Variants in ZNF32 observed in about 807,000 individuals in gnomAD.
ZNF32 encodes zinc finger protein 32.
A neutral mutation model predicts 24.4 loss-of-function variants in ZNF32; 13 were observed. The ratio of observed to expected loss-of-function variants is 0.53; its 90% CI spans 0.35 to 0.85. The LOEUF is 0.85. Ranked by LOEUF, ZNF32 falls within the 40% of genes least tolerant of loss-of-function variation. The pLI is 0.01. For missense variants in ZNF32, 239 were observed against 325.3 expected, an observed-to-expected ratio of 0.73 and a Z score of 2.04; for synonymous variants, 115 against 117.4, an observed-to-expected ratio of 0.98 and a Z score of 0.13.
rs1839213924 is a variant in ZNF32 at position 43,644,549 on chromosome 10, G to C, written c.323C>G (p.Thr108Ser). The change falls in exon 3 of 3, where the codon ACC (threonine) becomes AGC (serine). Residue 108 changes from threonine to serine, a missense_variant. By Grantham distance (58) the Thr-to-Ser change is moderately conservative (BLOSUM62 1). Transcript: ENST00000374433. The surrounding 1 kb of genome is among the most constrained non-coding windows in gnomAD (Gnocchi z 5.3). Reference sequence around the variant, plus strand: ...GGCCCTGAAGCTTTTTCCACAGTGGGTGCACTCAAAAGGCTTTTGACCAGT... The same window carrying C: ...GGCCCTGAAGCTTTTTCCACAGTGGCTGCACTCAAAAGGCTTTTGACCAGT... The part of the protein sequence containing the change: ...IHTGQKPFEC[T>S]HCGKSFRAKG... The C allele has an allele frequency of 6.2e-7, 1 of 1,614,070 alleles. No individual in the cohort carries two copies. The highest frequency in any genetic ancestry group is 8.5e-7 in the Non-Finnish European group (1 of 1,179,990).
At chr10:43,647,209 G>A (rs984768401) in intron 1 of ZNF32, 4 of 152,054 alleles carry the variant, frequency 2.6e-5, no homozygotes, top group Admixed American at 6.6e-5. Context: ...TAGGACTACA[G>A]GTAAGCACCA....
In ZNF32 at chr10:43,644,032, T is replaced by G; in HGVS notation, c.*18A>C. The G allele has an allele frequency of 1.3e-6, 2 of 1,591,412 alleles. No individual in the cohort carries two copies. The highest frequency in any genetic ancestry group is 3.4e-4 in the Middle Eastern group (2 of 5,858). ...TGTACTCTTAATTCATAAAGAGAAC[T>G]TCTCTTCAGGAAAGTGGTCAAAGGG... On this transcript the variant is annotated 3_prime_UTR_variant, in exon 3 of 3. Coordinates refer to ENST00000374433, the MANE Select transcript of ZNF32 (RefSeq NM_006973.3). The surrounding 1 kb of genome is among the most constrained non-coding windows in gnomAD (Gnocchi z 5.3).
chr10:43,648,109 C>G (rs867168364), intron 1 of ZNF32: 21 of 152,250 alleles, frequency 1.4e-4, no homozygotes, highest in African/African-American at 5.1e-4. Context: ...TGATCTTGGG[C>G]GAGTAACCCA....
chr10:43,645,903 C>T, intron 2 of ZNF32, 161 bp downstream of exon 2: 1 of 1,398,908 alleles, frequency 7.1e-7, no homozygotes, highest in Non-Finnish European at 9.3e-7. Context: ...TCTACTATTA[C>T]TTCTAACTCC....
Position 43,644,751 on chromosome 10 carries a change from A to G in ZNF32, c.121T>C (p.Ser41Pro), listed in dbSNP as rs1427906834. The change falls in exon 3 of 3, where the codon TCC becomes CCC. Residue 41 changes from serine (S) to proline (P), a missense_variant. By Grantham distance (74) the Ser-to-Pro change is moderately conservative. Coordinates refer to ENST00000374433, the MANE Select transcript of ZNF32 (RefSeq NM_006973.3). The surrounding 1 kb of genome is among the most constrained non-coding windows in gnomAD (Gnocchi z 5.3). ...GAATTTTGGATATCCCAGCTTGAGG[A>G]TCCTGTAGCCTCAGAGTGGTCATAT... is the stretch of plus-strand genomic sequence containing the variant. ...HKYDHSEATGSSSWDIQNSFR... is the reference protein window; with the variant it reads ...HKYDHSEATGPSSWDIQNSFR... 2 of 1,613,458 alleles carry G rather than the reference A, an allele frequency of 1.2e-6. No individual in the cohort carries two copies. The highest frequency in any genetic ancestry group is 1.1e-5 in the South Asian group (1 of 90,958).
At chr10:43,648,141 C>CA (rs1389650042) in intron 1 of ZNF32, 1 of 152,168 alleles carries the variant, frequency 6.6e-6, no homozygotes, top group Non-Finnish European at 1.5e-5. Flanking sequence ...TCTGCTTCCC[C>CA]ACTTATTAAA....
At chr10:43,648,681 C>T (rs1195683335) in intron 1 of ZNF32, 121 bp downstream of exon 1, 12 of 152,248 alleles carry the variant, frequency 7.9e-5, no homozygotes. Flanking sequence ...GCCGGCCAGG[C>T]CTGCTCATTT....
At chr10:43,646,906 C>A (rs997602262) in intron 1 of ZNF32, among the ~76,000 whole-genome samples, 2 of 152,160 alleles carry the variant, frequency 1.3e-5, no homozygotes, top group African/African-American at 4.8e-5. Context: ...CTTTCTGGAT[C>A]CAAAATGTAT....
chr10:43,644,577 G>C lies in ZNF32; in HGVS notation c.295C>G (p.His99Asp). ...KGSLTLHERI[H>D]TGQKPFECTH... ...CACTCAAAAGGCTTTTGACCAGTGT[G>C]GATTCTCTCATGTAACGTTAGACTA... is the stretch of plus-strand genomic sequence containing the variant. The change falls in exon 3 of 3, where the codon CAC (histidine) becomes GAC (aspartate). Residue 99 changes from histidine (H) to aspartate (D), a missense_variant. Transcript: ENST00000374433. This position sits in a 1 kb window ranked among gnomAD's most constrained non-coding sequence, Gnocchi z 5.3. The C allele has an allele frequency of 6.2e-7, 1 of 1,613,900 alleles. No homozygotes were observed. Among genetic ancestry groups the C allele is most frequent in the Non-Finnish European group, 8.5e-7 (1 of 1,179,926 alleles).
Position 43,643,956 on chromosome 10 carries a change from T to G in ZNF32, c.*94A>C. The G allele has an allele frequency of 7.3e-7, 1 of 1,361,292 alleles. No homozygotes were observed. Among genetic ancestry groups the G allele is most frequent in the Non-Finnish European group, 9.8e-7 (1 of 1,020,808 alleles). 84.3% of individuals were successfully genotyped at this position (1,361,292 alleles called of 1,614,324 possible). ...ACCCAATGATGGTCTTTCTGAAAGA[T>G]TCTCCATTCATTCCATAGAACTGGA... On this transcript the variant is annotated 3_prime_UTR_variant, in exon 3 of 3. Coordinates refer to ENST00000374433, the MANE Select transcript of ZNF32 (RefSeq NM_006973.3).
In ZNF32 at chr10:43,646,218, A is replaced by C; in HGVS notation, c.-69-16T>G. On this transcript the variant is annotated splice_polypyrimidine_tract_variant and intron_variant, in intron 1 of 2. Coordinates refer to ENST00000374433, the MANE Select transcript of ZNF32 (RefSeq NM_006973.3). ...TCCTGAGCACCTGAGGGAGAAAAAC[A>C]AACAGAAACAAACAGGAAAGGGCAG... 1 of 1,432,150 alleles carries C rather than the reference A, an allele frequency of 7.0e-7. No homozygotes were observed. Among genetic ancestry groups the C allele is most frequent in the Non-Finnish European group, 9.6e-7 (1 of 1,040,336 alleles). The allele number at this position is 1,432,150 out of a possible 1,614,324, so 88.7% of individuals were successfully genotyped here. A position where few individuals can be genotyped will look rare whatever the true frequency, so the allele number is the denominator to read the frequency against.
At position 43,644,527 on chromosome 10, in the gene ZNF32, C is replaced by T. The variant is rs1839213189; in HGVS notation, c.345G>A (p.Arg115=). 3 of 1,614,092 alleles carry T rather than the reference C, an allele frequency of 1.9e-6. No individual in the cohort carries two copies. Among genetic ancestry groups the T allele is most frequent in the Non-Finnish European group, 2.5e-6 (3 of 1,180,012 alleles). Residue 115 remains arginine, a synonymous_variant, in exon 3 of 3, where the codon AGG becomes AGA. Transcript: ENST00000374433. The surrounding 1 kb of genome is among the most constrained non-coding windows in gnomAD (Gnocchi z 5.3). ...FECTHCGKSF[R]AKGNLVTHQR... ...GATGTGTAACAAGATTGCCTTTGGCCCTGAAGCTTTTTCCACAGTGGGTGC... is the reference window on the plus strand; with the variant it reads ...GATGTGTAACAAGATTGCCTTTGGCTCTGAAGCTTTTTCCACAGTGGGTGC...
At position 43,644,886 on chromosome 10, in the gene ZNF32, C is replaced by A; in HGVS notation, c.71-85G>T. ...AAAAAGAAACATAATACTTTGAGTG[C>A]TTATGATGTGCCAGGCCTTATTCTT... On this transcript the variant is annotated intron_variant, in intron 2 of 2. Coordinates refer to ENST00000374433, the MANE Select transcript of ZNF32 (RefSeq NM_006973.3). This position sits in a 1 kb window ranked among gnomAD's most constrained non-coding sequence, Gnocchi z 5.3. The A allele has an allele frequency of 7.0e-7, 1 of 1,427,648 alleles. No homozygotes were observed. The highest frequency in any genetic ancestry group is 2.4e-5 in the Admixed American group (1 of 41,198). The allele number at this position is 1,427,648 out of a possible 1,614,324, so 88.4% of individuals were successfully genotyped here.
rs1327735597 is a variant in ZNF32 at position 43,648,849 on chromosome 10, A to AGCGCCAGCGCCG, written c.-129_-118dup. ...CAAAGGCCGGCGCCGAGCCCGCAGCAGCGCCAGCGCCGGCGCCGGCGGAAT... is the reference window on the plus strand; with the variant it reads ...CAAAGGCCGGCGCCGAGCCCGCAGCAGCGCCAGCGCCGGCGCCAGCGCCGGCGCCGGCGGAAT... On this transcript the variant is annotated 5_prime_UTR_variant, in exon 1 of 3. Coordinates refer to ENST00000374433, the MANE Select transcript of ZNF32 (RefSeq NM_006973.3). The AGCGCCAGCGCCG allele has an allele frequency of 6.6e-6, 1 of 151,754 alleles. No individual in the cohort carries two copies. 9.4% of individuals were successfully genotyped at this position (151,754 alleles called of 1,614,324 possible).
At chr10:43,646,022 T>A in intron 2 of ZNF32, 42 bp downstream of exon 2, 1 of 1,612,756 alleles carries the variant, frequency 6.2e-7, no homozygotes, top group Non-Finnish European at 8.5e-7. Context: ...ACACTGAATA[T>A]CTGTGAGCTG....
intron 1 of ZNF32, among the ~76,000 whole-genome samples, chr10:43,647,409 T>TA (rs1171432294): frequency 6.6e-6 from 1 of 152,164 alleles, no homozygotes; most frequent in African/African-American, 2.4e-5. Flanking sequence ...TATTTCTTCT[T>TA]ACTTCAGGAT....
chr10:43,648,025 G>C (rs10751331), intron 1 of ZNF32: 25 of 151,948 alleles, frequency 1.6e-4, no homozygotes, highest in South Asian at 2.1e-4. Context: ...TATTAGAAAG[G>C]CTACTATATC....
At position 43,646,172 on chromosome 10, in the gene ZNF32, T is replaced by C; in HGVS notation, c.-39A>G. On this transcript the variant is annotated 5_prime_UTR_variant, in exon 2 of 3. The change creates a new upstream start codon in the 5' untranslated region. Coordinates refer to ENST00000374433, the MANE Select transcript of ZNF32 (RefSeq NM_006973.3). ...TACGACCTCAGTCACCACCTCTTCA[T>C]ATGATTCTTCCATGGGCTGTTCCTG... 6.2e-7 allele frequency: 1 copy of C among 1,612,156 alleles called. No individual in the cohort carries two copies. The highest frequency in any genetic ancestry group is 8.5e-7 in the Non-Finnish European group (1 of 1,178,832).
chr10:43,647,706 C>A (rs10793464), intron 1 of ZNF32: 43,840 of 152,052 alleles, frequency 0.29, 6,606 homozygotes, highest in East Asian at 0.53. Context: ...CATGCCAGCA[C>A]ATCATTTGGA....
Sources: allele counts gnomAD v4.1 joint callset (sites outside exome capture counted in the v4.1 genomes callset), GRCh38; gene constraint gnomAD v4.1.1; non-coding constraint Gnocchi (gnomAD v3.1); transcripts MANE v1.5; gene names NCBI Gene and HGNC (gene_info 2026-07-23, HGNC 2026-07-21).